The following PDE1C variants were observed in gnomAD, a reference collection of about 807,000 sequenced individuals.
PDE1C encodes the protein phosphodiesterase 1C, also known as dual specificity calcium/calmodulin-dependent 3',5'-cyclic nucleotide phosphodiesterase 1C.
In PDE1C, 62 loss-of-function variants were observed where a neutral mutation model predicts 93.1. The ratio of observed to expected loss-of-function variants is 0.67; its 90% CI spans 0.54 to 0.82. The LOEUF (loss-of-function observed/expected upper bound fraction) is 0.82, where lower values mean the gene tolerates loss of function less well. PDE1C is among the 40% of genes least tolerant of loss of function. The pLI is 0.00. For synonymous variants in PDE1C, 325 were observed against 310.1 expected (o/e 1.05, Z -0.50); for missense variants, 742 against 884.6 (o/e 0.84, Z 2.04).
chr7:32,233,202 T>G (rs370226405), intron 1 of PDE1C, among the ~76,000 whole-genome samples: 1 of 152,022 alleles, frequency 6.6e-6, no homozygotes, highest in Non-Finnish European at 1.5e-5. Flanking sequence ...GAGTGAAACA[T>G]TATAGGTGAA....
intron 1 of PDE1C, among the ~76,000 whole-genome samples, chr7:32,358,852 A>G (rs1487643646): frequency 4.0e-5 from 3 of 75,478 alleles, no homozygotes; most frequent in Non-Finnish European, 1.0e-4. Context: ...TCTTCTCCAT[A>G]GCATACCTCA....
intron 1 of PDE1C, among the ~76,000 whole-genome samples, chr7:32,245,968 CTTTTTTT>C (rs369247468): frequency 1.1e-5 from 1 of 94,850 alleles, no homozygotes; most frequent in Non-Finnish European, 2.2e-5. Flanking sequence ...TTTTTCTTTT[CTTTTTTT>C]TTTTTTTTTT....
intron 2 of PDE1C, among the ~76,000 whole-genome samples, chr7:32,177,125 C>T (rs755536035): frequency 2.0e-5 from 3 of 152,116 alleles, no homozygotes; most frequent in Non-Finnish European, 4.4e-5. Flanking sequence ...AGAACACTGC[C>T]GTGTGCGGAG....
At chr7:32,374,470 T>C (rs898580048) in intron 1 of PDE1C, among the ~76,000 whole-genome samples, 2 of 152,186 alleles carry the variant, frequency 1.3e-5, no homozygotes, top group Non-Finnish European at 2.9e-5. Flanking sequence ...TGAGCCACCA[T>C]GTAAGAAGTT....
intron 3 of PDE1C, among the ~76,000 whole-genome samples, chr7:32,122,036 C>A (rs1203885304): frequency 6.6e-6 from 1 of 152,074 alleles, no homozygotes; most frequent in Non-Finnish European, 1.5e-5. Flanking sequence ...ATTTACCAAG[C>A]AAATGGAAAG....
intron 1 of PDE1C, among the ~76,000 whole-genome samples, chr7:32,387,718 C>G (rs1273502281): frequency 7.0e-6 from 1 of 142,620 alleles, no homozygotes; most frequent in Non-Finnish European, 1.5e-5. Flanking sequence ...GGCGGCTGGC[C>G]GGGCAGAGGG....
intron 2 of PDE1C, among the ~76,000 whole-genome samples, chr7:31,992,860 G>A (rs1187994637): frequency 6.6e-6 from 1 of 152,128 alleles, no homozygotes; most frequent in Non-Finnish European, 1.5e-5. Flanking sequence ...ATCTTGGGTG[G>A]AAGACACTGC....
At chr7:31,920,173 T>G (rs1484785640) in intron 2 of PDE1C, among the ~76,000 whole-genome samples, 1 of 152,088 alleles carries the variant, frequency 6.6e-6, no homozygotes, top group Non-Finnish European at 1.5e-5. Flanking sequence ...ATACACTGAG[T>G]CCCTGCTTCC....
chr7:32,179,885 A>G (rs1376711469), intron 2 of PDE1C, among the ~76,000 whole-genome samples: 1 of 152,214 alleles, frequency 6.6e-6, no homozygotes, highest in Non-Finnish European at 1.5e-5. Context: ...CAGGGAAAGA[A>G]AGAGACATAG....
At chr7:31,838,616 C>T (rs11766030) in intron 9 of PDE1C, among the ~76,000 whole-genome samples, 25,237 of 152,034 alleles carry the variant, frequency 0.17, 2,183 homozygotes, top group Middle Eastern at 0.24. Context: ...GCCATGTATC[C>T]ACCATCACAA....
chr7:32,306,261 G>A lies in PDE1C; in HGVS notation c.311-96722C>T, dbSNP rs994795252. On this transcript the variant is annotated intron_variant, in intron 1 of 1. Transcript: ENST00000672256. ...AGCAGCATGAAAACGGGCTAATACC[G>A]TAAATTGGGTTCCTGGTCATAATAC... 7.9e-5 allele frequency among the ~76,000 whole-genome samples: 12 copies of A among 152,020 alleles called. No homozygotes were observed. In the East Asian group the frequency reaches 1.2e-3, roughly 15 times the overall value.
chr7:32,169,848 T>C (rs1562543291), exon 3 of PDE1C: 12 of 1,612,660 alleles, frequency 7.4e-6, no homozygotes, highest in Non-Finnish European at 9.3e-6. Context: ...AGCTAGGATC[T>C]CCTCTGGGGG....
intron 1 of PDE1C, among the ~76,000 whole-genome samples, chr7:32,335,998 C>A (rs776389678): frequency 3.3e-5 from 5 of 152,064 alleles, no homozygotes; most frequent in African/African-American, 1.2e-4. Context: ...CCTTAATTAC[C>A]TTTTTAAAGA....
At chr7:32,247,193 T>G (rs930841283) in intron 1 of PDE1C, among the ~76,000 whole-genome samples, 1 of 152,062 alleles carries the variant, frequency 6.6e-6, no homozygotes, top group Non-Finnish European at 1.5e-5. Flanking sequence ...CCAAGAAGAG[T>G]TCATGAACAT....
chr7:32,298,569 C>A, intron 1 of PDE1C: 1 of 1,501,018 alleles, frequency 6.7e-7, no homozygotes. Flanking sequence ...GCTCCCCCTG[C>A]CCGCTTAGAA....
rs1583644262 is a variant in PDE1C at position 31,859,996 on chromosome 7, T to A, written c.750+4946A>T. On this transcript the variant is annotated intron_variant, in intron 7 of 17. Coordinates refer to ENST00000396191, the MANE Select transcript of PDE1C (RefSeq NM_001191057.4). ...GTATATACTCCGTAATTGTTCACTA[T>A]GGCAAACATTGCTACAATGAACCTG... 4.6e-5 allele frequency among the ~76,000 whole-genome samples: 7 copies of A among 152,302 alleles called. No individual in the cohort carries two copies. In the South Asian group the frequency reaches 1.5e-3, roughly 32 times the overall value.
At chr7:31,660,615 A>C in the PDE1C span, among the ~76,000 whole-genome samples, 6 of 152,062 alleles carry the variant, frequency 3.9e-5, no homozygotes, top group Admixed American at 2.0e-4. Flanking sequence ...AGGAGCACAA[A>C]ATTTTTTGAA....
intron 1 of PDE1C, among the ~76,000 whole-genome samples, chr7:32,280,397 A>G (rs1340988960): frequency 6.6e-6 from 1 of 152,150 alleles, no homozygotes; most frequent in Non-Finnish European, 1.5e-5. Flanking sequence ...TAATAAACAA[A>G]TTGTCTTCAT....
At chr7:32,237,765 T>TATA (rs1562607094) in intron 1 of PDE1C, among the ~76,000 whole-genome samples, 9 of 74,046 alleles carry the variant, frequency 1.2e-4, no homozygotes, top group African/African-American at 5.3e-4. Context: ...TATATATACT[T>TATA]TTTTTTTTTT....
Sources: allele counts gnomAD v4.1 joint callset (sites outside exome capture counted in the v4.1 genomes callset), GRCh38; gene constraint gnomAD v4.1.1; transcripts MANE v1.5; gene names NCBI Gene and HGNC (gene_info 2026-07-23, HGNC 2026-07-21).